The following ADCY2 variants were observed in gnomAD, a reference collection of about 807,000 sequenced individuals.
ADCY2 encodes the protein adenylate cyclase type 2.
Under a neutral mutation model 125.2 loss-of-function variants are expected in ADCY2, and 31 were observed. That is an observed-to-expected ratio of 0.25 (90% CI 0.19 to 0.33). The LOEUF (loss-of-function observed/expected upper bound fraction) is 0.33, where lower values mean the gene tolerates loss of function less well. Ranked by LOEUF, ADCY2 falls within the 10% of genes least tolerant of loss-of-function variation. The pLI is 1.00. For missense variants in ADCY2, 904 were observed against 1,418.2 expected, an observed-to-expected ratio of 0.64 and a Z score of 5.82; for synonymous variants, 512 against 548.4, an observed-to-expected ratio of 0.93 and a Z score of 0.93.
chr5:7,662,972 T>G (rs1269265495), intron 4 of ADCY2, among the ~76,000 whole-genome samples: 2 of 144,518 alleles, frequency 1.4e-5, no homozygotes, highest in Non-Finnish European at 3.1e-5. Flanking sequence ...CCTGCTTCTT[T>G]ATGTCTGCAG....
chr5:7,826,191 C>T (rs1315025251), intron 24 of ADCY2, among the ~76,000 whole-genome samples: 2 of 152,074 alleles, frequency 1.3e-5, no homozygotes, highest in African/African-American at 2.4e-5. Context: ...TGGCAGGAGT[C>T]TACAGTGCTC....
intron 4 of ADCY2, among the ~76,000 whole-genome samples, chr5:7,628,081 C>T (rs1579251497): frequency 2.0e-5 from 3 of 152,184 alleles, no homozygotes; most frequent in East Asian, 1.9e-4. Context: ...TTTTCAGTAA[C>T]GTTTTACATC....
At chr5:7,623,171 A>G (rs1738012873) in intron 3 of ADCY2, among the ~76,000 whole-genome samples, 1 of 152,246 alleles carries the variant, frequency 6.6e-6, no homozygotes, top group Non-Finnish European at 1.5e-5. Flanking sequence ...TCTGTTGCTT[A>G]CACTTGGTTT....
At chr5:7,459,888 G>C (rs1446616379) in intron 2 of ADCY2, among the ~76,000 whole-genome samples, 2 of 138,708 alleles carry the variant, frequency 1.4e-5, no homozygotes, top group East Asian at 4.6e-4. Flanking sequence ...CCGGGTTCAC[G>C]CTATTCTTCT....
chr5:7,443,525 A>G (rs1472176041), intron 2 of ADCY2, among the ~76,000 whole-genome samples: 3 of 149,716 alleles, frequency 2.0e-5, no homozygotes, highest in Non-Finnish European at 4.4e-5. Context: ...CTGTAGTCCC[A>G]GCTACTCGGG....
chr5:7,809,332 G>T (rs1330901464), intron 22 of ADCY2, among the ~76,000 whole-genome samples: 2 of 152,282 alleles, frequency 1.3e-5, no homozygotes, highest in Middle Eastern at 3.4e-3. Context: ...ATTTTGAAGT[G>T]CAATGAATGT....
At chr5:7,749,386 A>C (rs992279393) in intron 15 of ADCY2, among the ~76,000 whole-genome samples, 4 of 152,210 alleles carry the variant, frequency 2.6e-5, no homozygotes, top group Admixed American at 1.3e-4. Flanking sequence ...TAGTCCTTCA[A>C]AGTATTTTCA....
At chr5:7,670,857 G>A (rs974101197) in intron 4 of ADCY2, among the ~76,000 whole-genome samples, 2 of 152,160 alleles carry the variant, frequency 1.3e-5, no homozygotes, top group African/African-American at 4.8e-5. Context: ...CTCACCTCCT[G>A]CTCTGCGGCC....
intron 12 of ADCY2, 87 bp downstream of exon 12, chr5:7,717,324 A>G: frequency 2.3e-6 from 2 of 862,680 alleles, no homozygotes; most frequent in South Asian, 4.7e-5. Context: ...AGTTACCATG[A>G]CAAAGCCAAG....
chr5:7,419,799 G>T (rs1740121807), intron 2 of ADCY2, among the ~76,000 whole-genome samples: 1 of 152,224 alleles, frequency 6.6e-6, no homozygotes, highest in Non-Finnish European at 1.5e-5. Flanking sequence ...GTAGCTCATA[G>T]TCAGCAACAT....
intron 2 of ADCY2, among the ~76,000 whole-genome samples, chr5:7,439,563 A>AC (rs1740932677): frequency 7.0e-6 from 1 of 143,358 alleles, no homozygotes; most frequent in Non-Finnish European, 1.5e-5. Context: ...CACACACACA[A>AC]AAGTATGTGT....
intron 3 of ADCY2, among the ~76,000 whole-genome samples, chr5:7,613,699 G>C (rs1737654250): frequency 6.6e-6 from 1 of 152,200 alleles, no homozygotes; most frequent in Non-Finnish European, 1.5e-5. Flanking sequence ...CAGAGGTTAG[G>C]TTTATGCTAT....
At chr5:7,411,622 C>T (rs1739720262) in intron 1 of ADCY2, among the ~76,000 whole-genome samples, 1 of 152,064 alleles carries the variant, frequency 6.6e-6, no homozygotes, top group Admixed American at 6.6e-5. Context: ...AAGTCACCTG[C>T]AGCCCTGACA....
intron 2 of ADCY2, among the ~76,000 whole-genome samples, chr5:7,481,906 C>T (rs962386917): frequency 2.0e-5 from 3 of 151,928 alleles, no homozygotes; most frequent in Non-Finnish European, 4.4e-5. Flanking sequence ...TGGAGTGTTT[C>T]CCCCATGTTT....
At chr5:7,724,186 G>A (rs983562514) in intron 12 of ADCY2, among the ~76,000 whole-genome samples, 1 of 147,720 alleles carries the variant, frequency 6.8e-6, no homozygotes, top group Non-Finnish European at 1.5e-5. Context: ...ACCACTGTGT[G>A]ATTTCGGAAA....
chr5:7,795,132 G>A (rs957821346), intron 20 of ADCY2: 5 of 152,194 alleles, frequency 3.3e-5, no homozygotes, highest in African/African-American at 1.2e-4. Flanking sequence ...AGGTGACTGA[G>A]AGCAAAGCAT....
chr5:7,400,840 A>G (rs1012057229), intron 1 of ADCY2, among the ~76,000 whole-genome samples: 2 of 152,266 alleles, frequency 1.3e-5, no homozygotes, highest in Non-Finnish European at 2.9e-5. Context: ...TACTTGTGGT[A>G]TAACAAAGGC....
At chr5:7,535,259 T>C (rs1579547352) in intron 3 of ADCY2, among the ~76,000 whole-genome samples, 1 of 152,190 alleles carries the variant, frequency 6.6e-6, no homozygotes, top group Admixed American at 6.5e-5. Context: ...GCCAGGCTGG[T>C]CTTGAACTCC....
chr5:7,398,236 G>C (rs1212726290), intron 1 of ADCY2, among the ~76,000 whole-genome samples: 1 of 152,182 alleles, frequency 6.6e-6, no homozygotes, highest in East Asian at 1.9e-4. Flanking sequence ...TGAAATTCAT[G>C]CTTCCTCTGC....
Sources: allele counts gnomAD v4.1 joint callset (sites outside exome capture counted in the v4.1 genomes callset), GRCh38; gene constraint gnomAD v4.1.1; transcripts MANE v1.5; gene names NCBI Gene and HGNC (gene_info 2026-07-23, HGNC 2026-07-21).